The following TCF7L2 variants were observed in gnomAD, a reference collection of about 807,000 sequenced individuals.
TCF7L2 encodes the protein transcription factor 7-like 2.
TCF7L2 carries 23 observed loss-of-function variants against 77.9 expected under a neutral mutation model. The ratio of observed to expected loss-of-function variants is 0.30; its 90% CI spans 0.21 to 0.42. The LOEUF (loss-of-function observed/expected upper bound fraction) is 0.42. TCF7L2 is among the 10% of genes least tolerant of loss of function. The pLI, the probability that TCF7L2 is intolerant of heterozygous loss-of-function variation, is 1.00. For synonymous variants in TCF7L2, 413 were observed against 340.2 expected, an observed-to-expected ratio of 1.21 and a Z score of -2.36; for missense variants, 654 against 793.1, an observed-to-expected ratio of 0.82 and a Z score of 2.11.
chr10:113,120,620 A>T (rs1409603061), intron 5 of TCF7L2, among the ~76,000 whole-genome samples: 1 of 152,192 alleles, frequency 6.6e-6, no homozygotes, highest in Non-Finnish European at 1.5e-5. Context: ...GTTCAGAGGC[A>T]GAATGTCTTC....
At chr10:113,133,989 C>T (rs1410120036) in intron 5 of TCF7L2, among the ~76,000 whole-genome samples, 1 of 152,176 alleles carries the variant, frequency 6.6e-6, no homozygotes, top group Non-Finnish European at 1.5e-5. Flanking sequence ...ATCTCACAGG[C>T]AGATCTCTTT....
At chr10:113,071,504 C>G (rs973310331) in intron 5 of TCF7L2, among the ~76,000 whole-genome samples, 2 of 152,140 alleles carry the variant, frequency 1.3e-5, no homozygotes, top group Non-Finnish European at 2.9e-5. Flanking sequence ...GGAAACCCCT[C>G]CTTTTCTCGT....
At chr10:113,106,829 T>TTA (rs1332492968) in intron 5 of TCF7L2, among the ~76,000 whole-genome samples, 5 of 152,224 alleles carry the variant, frequency 3.3e-5, no homozygotes, top group Non-Finnish European at 7.3e-5. Flanking sequence ...TTTCTGGGCT[T>TTA]TCATTAAAAG....
intron 4 of TCF7L2, among the ~76,000 whole-genome samples, chr10:112,977,384 T>C (rs1194208014): frequency 6.6e-6 from 1 of 152,202 alleles, no homozygotes; most frequent in Non-Finnish European, 1.5e-5. Flanking sequence ...ATGATTGAAA[T>C]TGAAGAATTG....
chr10:113,118,125 G>C (rs557416942), intron 5 of TCF7L2, among the ~76,000 whole-genome samples: 1 of 152,098 alleles, frequency 6.6e-6, no homozygotes, highest in Admixed American at 6.5e-5. Flanking sequence ...GAATTTACTG[G>C]TGGTGTTTTA....
At chr10:113,058,678 G>A (rs541243485) in intron 5 of TCF7L2, among the ~76,000 whole-genome samples, 1 of 151,936 alleles carries the variant, frequency 6.6e-6, no homozygotes, top group South Asian at 2.1e-4. Flanking sequence ...AAAAGTTCCA[G>A]GTTTTGGGTC....
chr10:113,068,636 C>T lies in TCF7L2; in HGVS notation c.552+28510C>T, dbSNP rs76378002. Among the ~76,000 whole-genome samples, 10 of 152,286 alleles carry T rather than the reference C, an allele frequency of 6.6e-5. No homozygotes were observed. The East Asian group carries it at 1.9e-3, about 29-fold the overall frequency. On this transcript the variant is annotated intron_variant, in intron 5 of 13. Transcript: ENST00000627217. ...GGAGGCCCAGACGTGGAGCACTGTC[C>T]TGGACCTCAGGCTGTTTCAGGGACC... is the stretch of plus-strand genomic sequence containing the variant.
At chr10:113,070,269 T>TTATATATATA (rs34181424) in intron 5 of TCF7L2, among the ~76,000 whole-genome samples, 2,301 of 124,010 alleles carry the variant, frequency 0.019, 36 homozygotes, top group African/African-American at 0.041. Flanking sequence ...AAAAAAAAAT[T>TTATATATATA]TATATATATA....
At position 113,151,866 on chromosome 10, in the gene TCF7L2, C is replaced by T. The variant is rs746551718; in HGVS notation, c.1143C>T (p.Asn381=). ...CGTTGAAAGAAAGCGCGGCCATCAA[C>T]CAGATCCTTGGGCGGAGGGTAGGTG... Residue 381 remains asparagine (N), a synonymous_variant, in exon 10 of 14, where the codon AAC becomes AAT. Coordinates refer to ENST00000627217, the MANE Select transcript of TCF7L2 (RefSeq NM_001146274.2). The surrounding 1 kb of genome is among the most constrained non-coding windows in gnomAD (Gnocchi z 5.2). 9 of 1,606,764 alleles carry T rather than the reference C, an allele frequency of 5.6e-6. No homozygotes were observed. Among genetic ancestry groups the T allele is most frequent in the Admixed American group, 1.7e-5 (1 of 58,018 alleles).
At position 112,964,585 on chromosome 10, in the gene TCF7L2, C is replaced by G; in HGVS notation, c.411C>G (p.Tyr137Ter). 1 of 1,613,462 alleles carries G rather than the reference C, an allele frequency of 6.2e-7. No individual in the cohort carries two copies. The highest frequency in any genetic ancestry group is 8.5e-7 in the Non-Finnish European group (1 of 1,179,536). The change falls in exon 4 of 14, where the codon TAC becomes TAG. Residue 137 changes from tyrosine (Y) to a stop codon, truncating the protein, a stop_gained. Transcript: ENST00000627217. LOFTEE classifies it high-confidence loss of function. ...ATTTTCAGTCCGGCAGCACACATTA[C>G]TCTGCGTACAAAACGATTGAACACC...
At chr10:113,095,553 T>G (rs1213655548) in intron 5 of TCF7L2, among the ~76,000 whole-genome samples, 1 of 152,122 alleles carries the variant, frequency 6.6e-6, no homozygotes, top group Non-Finnish European at 1.5e-5. Flanking sequence ...TGAGGTCATA[T>G]TCCCAGTGTA....
At chr10:113,108,218 C>T (rs2062655579) in intron 5 of TCF7L2, among the ~76,000 whole-genome samples, 1 of 152,066 alleles carries the variant, frequency 6.6e-6, no homozygotes, top group South Asian at 2.1e-4. Flanking sequence ...CAATGTGGAC[C>T]CCCCCACCCC....
chr10:113,048,890 A>T (rs994092868), intron 5 of TCF7L2, among the ~76,000 whole-genome samples: 2 of 152,208 alleles, frequency 1.3e-5, no homozygotes, highest in Admixed American at 1.3e-4. Context: ...ATGATGTTGT[A>T]GGCTGTATGA....
intron 5 of TCF7L2, chr10:113,126,735 G>A (rs2065676672): frequency 1.0e-6 from 1 of 985,872 alleles, no homozygotes; most frequent in Non-Finnish European, 1.2e-6. Flanking sequence ...CTGTGCCGCG[G>A]GTGCGCGGCG....
intron 5 of TCF7L2, among the ~76,000 whole-genome samples, chr10:113,079,335 G>C (rs887950646): frequency 6.6e-6 from 1 of 152,190 alleles, no homozygotes. Context: ...CTGCATCTGC[G>C]TTGATGTGGC....
chr10:113,139,066 C>T (rs1453168428), intron 5 of TCF7L2, among the ~76,000 whole-genome samples: 6 of 152,160 alleles, frequency 3.9e-5, no homozygotes, highest in Admixed American at 2.0e-4. Context: ...ATCATCTTCC[C>T]TTCTCTGGGC....
chr10:113,103,489 G>A (rs1329616422), intron 5 of TCF7L2, among the ~76,000 whole-genome samples: 4 of 152,088 alleles, frequency 2.6e-5, no homozygotes, highest in Non-Finnish European at 5.9e-5. Context: ...AAAAAAATAG[G>A]CCATTTGGTA....
rs939873554 is a variant in TCF7L2, at chr10:113,166,071, C to G, written c.*99C>G. 21 of 1,186,206 alleles carry G rather than the reference C, an allele frequency of 1.8e-5. No homozygotes were observed. In the African/African-American group the frequency reaches 2.3e-4, roughly 13 times the overall value. The allele number at this position is 1,186,206 out of a possible 1,614,324, so 73.5% of individuals were successfully genotyped here. A position where few individuals can be genotyped will look rare whatever the true frequency, so the allele number is the denominator to read the frequency against. ...CTTGAAAGGTTTTGTTTTGTACTCT[C>G]TTAATTTTGTGCCATGTGGCTACAT... On this transcript the variant is annotated 3_prime_UTR_variant, in exon 14 of 14. Transcript: ENST00000627217.
intron 5 of TCF7L2, among the ~76,000 whole-genome samples, chr10:113,073,706 A>G (rs79901139): frequency 1.3e-5 from 2 of 151,034 alleles, no homozygotes; most frequent in Non-Finnish European, 2.9e-5. Context: ...AAAAAAAAAA[A>G]CAAAGGTCAC....
Sources: allele counts gnomAD v4.1 joint callset (sites outside exome capture counted in the v4.1 genomes callset), GRCh38; gene constraint gnomAD v4.1.1; non-coding constraint Gnocchi (gnomAD v3.1); transcripts MANE v1.5; gene names NCBI Gene and HGNC (gene_info 2026-07-23, HGNC 2026-07-21).